The following CEP128 variants were observed in gnomAD, a reference collection of about 807,000 sequenced individuals.
The protein encoded by CEP128 is centrosomal protein 128.
A neutral mutation model predicts 156.7 loss-of-function variants in CEP128; 132 were observed. The observed-to-expected ratio is 0.84, with a 90% confidence interval of 0.73 to 0.97. CEP128 has a LOEUF of 0.97. Ranked by LOEUF, CEP128 falls within the 50% of genes least tolerant of loss-of-function variation. The pLI, the probability that CEP128 is intolerant of heterozygous loss-of-function variation, is 0.00. For synonymous variants in CEP128, 469 were observed against 448.9 expected (o/e 1.04, Z -0.57); for missense variants, 1,252 against 1,281.9 (o/e 0.98, Z 0.36).
chr14:80,813,666 T>A (rs1884686626), intron 13 of CEP128, among the ~76,000 whole-genome samples: 1 of 152,198 alleles, frequency 6.6e-6, no homozygotes, highest in Non-Finnish European at 1.5e-5. Flanking sequence ...TTCTTCACTT[T>A]AGAATTGAGA....
chr14:80,659,721 A>C (rs1047892404), intron 19 of CEP128, among the ~76,000 whole-genome samples: 3 of 152,232 alleles, frequency 2.0e-5, no homozygotes, highest in Non-Finnish European at 1.5e-5. Flanking sequence ...AATCGGTTAC[A>C]GTGAAAACTA....
chr14:80,899,379 C>G (rs568516828), intron 7 of CEP128, among the ~76,000 whole-genome samples: 28 of 152,226 alleles, frequency 1.8e-4, no homozygotes, highest in African/African-American at 6.7e-4. Context: ...AGAAAGCCAC[C>G]TGCCACTGGT....
intron 19 of CEP128, among the ~76,000 whole-genome samples, chr14:80,592,865 T>C (rs780180357): frequency 6.6e-6 from 1 of 152,178 alleles, no homozygotes; most frequent in Non-Finnish European, 1.5e-5. Context: ...TCAATAAATG[T>C]AATCATTATG....
chr14:80,738,822 A>G (rs1898665283), intron 19 of CEP128, among the ~76,000 whole-genome samples: 1 of 152,212 alleles, frequency 6.6e-6, no homozygotes, highest in African/African-American at 2.4e-5. Flanking sequence ...TCAGGCATCC[A>G]CTAGGGTGCC....
chr14:80,552,973 C>T (rs1890270874), intron 21 of CEP128, among the ~76,000 whole-genome samples: 1 of 151,506 alleles, frequency 6.6e-6, no homozygotes, highest in African/African-American at 2.4e-5. Flanking sequence ...TTTTTTTTCT[C>T]TTCAGAAATC....
intron 19 of CEP128, among the ~76,000 whole-genome samples, chr14:80,589,645 A>G (rs553309116): frequency 2.0e-5 from 3 of 152,082 alleles, no homozygotes; most frequent in Non-Finnish European, 4.4e-5. Context: ...AATTATCCCC[A>G]CTTCGCACCT....
chr14:80,868,664 A>G (rs1189961528), intron 8 of CEP128, among the ~76,000 whole-genome samples: 1 of 152,166 alleles, frequency 6.6e-6, no homozygotes. Context: ...AATGTTTTAA[A>G]TGTAAACAAA....
At chr14:80,734,708 T>C (rs1476730562) in intron 19 of CEP128, among the ~76,000 whole-genome samples, 1 of 150,920 alleles carries the variant, frequency 6.6e-6, no homozygotes, top group Non-Finnish European at 1.5e-5. Context: ...CTTAACTGGG[T>C]ATGGTGGTAC....
chr14:80,559,406 T>C (rs1890575566), intron 20 of CEP128, 104 bp from the exon 21 acceptor site: 4 of 910,884 alleles, frequency 4.4e-6, no homozygotes, highest in Non-Finnish European at 4.9e-6. Context: ...TTATTAATAA[T>C]TCATTTTAAA....
chr14:80,672,348 CT>C (rs1272009048), intron 19 of CEP128, among the ~76,000 whole-genome samples: 4 of 117,382 alleles, frequency 3.4e-5, no homozygotes, highest in Admixed American at 1.6e-4. Flanking sequence ...AGAAAAATGT[CT>C]TTTTTAAAAA....
At chr14:80,574,256 G>A (rs1891263132) in intron 20 of CEP128, among the ~76,000 whole-genome samples, 1 of 152,184 alleles carries the variant, frequency 6.6e-6, no homozygotes, top group African/African-American at 2.4e-5. Flanking sequence ...CAGTGAGAGA[G>A]CAGAGCATTC....
At chr14:80,759,896 G>A (rs1401362218) in intron 17 of CEP128, among the ~76,000 whole-genome samples, 1 of 121,746 alleles carries the variant, frequency 8.2e-6, no homozygotes, top group Non-Finnish European at 1.8e-5. Context: ...ATATGTGAGT[G>A]CATATATATA....
downstream of CEP128, among the ~76,000 whole-genome samples, chr14:80,493,132 C>T (rs959049701): frequency 3.9e-5 from 6 of 152,104 alleles, no homozygotes; most frequent in Non-Finnish European, 5.9e-5. Context: ...AATGAGAGGG[C>T]GACAAGTTGT....
downstream of CEP128, among the ~76,000 whole-genome samples, chr14:80,495,674 T>G (rs1229925547): frequency 6.6e-6 from 1 of 152,180 alleles, no homozygotes; most frequent in Non-Finnish European, 1.5e-5. Flanking sequence ...GTGCAATTTT[T>G]TTTAAATGAC....
At chr14:80,952,053 A>T (rs12890015) in intron 2 of CEP128, among the ~76,000 whole-genome samples, 1 of 152,060 alleles carries the variant, frequency 6.6e-6, no homozygotes, top group African/African-American at 2.4e-5. Context: ...ACAAATCCCC[A>T]ATTGTAGTAA....
intron 23 of CEP128, among the ~76,000 whole-genome samples, chr14:80,525,996 C>CTT (rs5809996): frequency 2.0e-5 from 3 of 151,532 alleles, no homozygotes; most frequent in South Asian, 2.1e-4. Context: ...AAACCTTTAG[C>CTT]TTTTTTTTAA....
At chr14:80,707,398 G>A (rs999012928) in intron 19 of CEP128, among the ~76,000 whole-genome samples, 10 of 152,144 alleles carry the variant, frequency 6.6e-5, no homozygotes, top group African/African-American at 2.4e-4. Context: ...CCTAGTTTTT[G>A]ATAGCTTCCT....
At chr14:80,528,423 G>A (rs1452313903) in intron 22 of CEP128, among the ~76,000 whole-genome samples, 1 of 152,156 alleles carries the variant, frequency 6.6e-6, no homozygotes, top group African/African-American at 2.4e-5. Context: ...TGAGTATCTG[G>A]GATTACAGGC....
chr14:80,576,645 GTGTGTGTGTC>G (rs1266021221), intron 20 of CEP128, among the ~76,000 whole-genome samples: 36 of 124,972 alleles, frequency 2.9e-4, no homozygotes, highest in Non-Finnish European at 8.4e-5. Flanking sequence ...GTGTGTGTGT[GTGTGTGTGTC>G]TGTGTCTGTG....
Sources: gnomAD v4.1 joint callset for allele counts (sites outside exome capture counted in the v4.1 genomes callset) on GRCh38, gnomAD v4.1.1 for gene constraint, MANE v1.5 for transcripts, NCBI Gene and HGNC (gene_info 2026-07-23, HGNC 2026-07-21) for gene names.